Variants in FIGN observed in about 807,000 individuals in gnomAD.
The protein encoded by FIGN is fidgetin, microtubule severing factor.
FIGN carries 11 observed loss-of-function variants against 51.3 expected under a neutral mutation model. The ratio of observed to expected loss-of-function variants is 0.21; its 90% CI spans 0.13 to 0.35. The LOEUF (loss-of-function observed/expected upper bound fraction) is 0.35, where lower values mean the gene tolerates loss of function less well. Among genes scored for constraint, FIGN ranks in the 10% least tolerant of loss-of-function variants. FIGN has a pLI of 1.00. For synonymous variants in FIGN, 407 were observed against 363.2 expected (o/e 1.12, Z -1.37); for missense variants, 857 against 943.6 (o/e 0.91, Z 1.20).
rs143754554 is a variant in FIGN, at chr2:163,709,018, G to A, written c.25+25885C>T. On this transcript the variant is annotated intron_variant, in intron 2 of 2. Coordinates refer to ENST00000333129, the MANE Select transcript of FIGN (RefSeq NM_018086.4). ...TTCTTCCTGAAGAGTCTAAGGTACC[G>A]TAAATACGGCAATGGGTGTCCTTAT... is the stretch of plus-strand genomic sequence containing the variant. 3.1e-3 allele frequency among the ~76,000 whole-genome samples: 478 copies of A among 152,218 alleles called. 2 individuals carry two copies. The highest frequency in any genetic ancestry group is 0.011 in the African/African-American group (460 of 41,544).
At chr2:163,663,615 G>A (rs1377598511) in intron 2 of FIGN, among the ~76,000 whole-genome samples, 2 of 151,742 alleles carry the variant, frequency 1.3e-5, no homozygotes, top group African/African-American at 4.8e-5. Flanking sequence ...GGGCACGGTG[G>A]CTCACACCTG....
Position 163,668,229 on chromosome 2 carries a change from G to A in FIGN, c.26-56423C>T, listed in dbSNP as rs114360209. Among the ~76,000 whole-genome samples the A allele has an allele frequency of 9.0e-3, 1,365 of 152,148 alleles. 24 individuals carry two copies. Among genetic ancestry groups the A allele is most frequent in the African/African-American group, 0.031 (1,305 of 41,508 alleles). The stretch of plus-strand genomic sequence containing the variant: ...CAAATAGTATTTAAAGACACCATGG[G>A]GCTAAAGGAAAGCACCTAGGGAGAG... On this transcript the variant is annotated intron_variant, in intron 2 of 2. Transcript: ENST00000333129.
intron 2 of FIGN, among the ~76,000 whole-genome samples, chr2:163,667,215 C>T (rs748582770): frequency 1.2e-4 from 18 of 151,812 alleles, no homozygotes; most frequent in Non-Finnish European, 2.4e-4. Context: ...CGCCATTCTA[C>T]ATTCTTTCTT....
intron 2 of FIGN, among the ~76,000 whole-genome samples, chr2:163,731,534 C>T (rs751337826): frequency 6.6e-6 from 1 of 151,546 alleles, no homozygotes; most frequent in African/African-American, 2.4e-5. Context: ...AAAACAAAAA[C>T]AAAAAATATT....
intron 2 of FIGN, among the ~76,000 whole-genome samples, chr2:163,615,871 T>A (rs1682867325): frequency 6.6e-6 from 1 of 152,208 alleles, no homozygotes; most frequent in South Asian, 2.1e-4. Context: ...CATCAATTTT[T>A]ACTTTTGAAA....
intron 2 of FIGN, among the ~76,000 whole-genome samples, chr2:163,675,185 T>A (rs917534616): frequency 1.3e-5 from 2 of 152,228 alleles, no homozygotes; most frequent in African/African-American, 4.8e-5. Context: ...AGGGCCTGGA[T>A]AAACTCTAAT....
chr2:163,611,819 G>C lies in FIGN; in HGVS notation c.26-13C>G. 6.3e-7 allele frequency: 1 copy of C among 1,583,570 alleles called. No homozygotes were observed. The highest frequency in any genetic ancestry group is 8.6e-7 in the Non-Finnish European group (1 of 1,159,002). ...TGCATCTTCAAGCCTAAGAATTTTG[G>C]GGGGAAAAGAGTTAATTTACTTAAA... On this transcript the variant is annotated splice_polypyrimidine_tract_variant and intron_variant, in intron 2 of 2. Coordinates refer to ENST00000333129, the MANE Select transcript of FIGN (RefSeq NM_018086.4).
chr2:163,611,111 T>C lies in FIGN; in HGVS notation c.721A>G (p.Asn241Asp), dbSNP rs1203598241. Residue 241 changes from asparagine to aspartate, a missense_variant, in exon 3 of 3, where the codon AAC becomes GAC. By Grantham distance (23) the Asn-to-Asp change is conservative. Around this residue, in one of 3 missense-constraint regions of FIGN, gnomAD observed 799 missense variants for 849.5 expected, o/e 0.94. Coordinates refer to ENST00000333129, the MANE Select transcript of FIGN (RefSeq NM_018086.4). ...ALVPGYNGTS[N>D]LSSYSYPSAS... Reference sequence around the variant, plus strand: ...GACGGATAGCTGTAACTGGAGAGGTTAGAAGTCCCATTGTAGCCTGGGACC... The same window carrying C: ...GACGGATAGCTGTAACTGGAGAGGTCAGAAGTCCCATTGTAGCCTGGGACC... The C allele has an allele frequency of 1.2e-6, 2 of 1,614,020 alleles. No homozygotes were observed. Among genetic ancestry groups the C allele is most frequent in the Non-Finnish European group, 8.5e-7 (1 of 1,179,986 alleles).
At chr2:163,729,292 G>A (rs1316012255) in intron 2 of FIGN, among the ~76,000 whole-genome samples, 2 of 152,102 alleles carry the variant, frequency 1.3e-5, no homozygotes, top group South Asian at 2.1e-4. Context: ...TGCAGTTTCT[G>A]TTCTCATGCC....
At chr2:163,704,833 T>C (rs1435551179) in intron 2 of FIGN, among the ~76,000 whole-genome samples, 1 of 151,934 alleles carries the variant, frequency 6.6e-6, no homozygotes, top group East Asian at 1.9e-4. Context: ...AGTGTTCAAA[T>C]GGAATAAAAT....
chr2:163,647,714 T>C lies in FIGN; in HGVS notation c.26-35908A>G, dbSNP rs75383440. On this transcript the variant is annotated intron_variant, in intron 2 of 2. Transcript: ENST00000333129. ...GAAAACTATTCATACAAATGTACAA[T>C]GTGAAAGTTATAAAATACATCAAAA... 2.6e-5 allele frequency among the ~76,000 whole-genome samples: 4 copies of C among 152,198 alleles called. No individual in the cohort carries two copies. The East Asian group carries it at 5.8e-4, about 22-fold the overall frequency.
At chr2:163,689,887 G>A (rs933350297) in intron 2 of FIGN, among the ~76,000 whole-genome samples, 6 of 152,098 alleles carry the variant, frequency 3.9e-5, no homozygotes, top group Non-Finnish European at 1.5e-5. Context: ...CTCCAAATGA[G>A]CAGCAAATAC....
chr2:163,705,351 A>G (rs1684482374), intron 2 of FIGN, among the ~76,000 whole-genome samples: 1 of 152,150 alleles, frequency 6.6e-6, no homozygotes, highest in Non-Finnish European at 1.5e-5. Flanking sequence ...AAAAATTTTC[A>G]GATGGAACTT....
intron 2 of FIGN, among the ~76,000 whole-genome samples, chr2:163,701,065 G>A (rs1684401007): frequency 1.3e-5 from 2 of 152,018 alleles, no homozygotes; most frequent in South Asian, 2.1e-4. Flanking sequence ...ATGCATTTAA[G>A]GGAAAAAAAT....
At chr2:163,679,475 G>A (rs1018151942) in intron 2 of FIGN, among the ~76,000 whole-genome samples, 5 of 147,990 alleles carry the variant, frequency 3.4e-5, no homozygotes, top group South Asian at 2.1e-4. Context: ...CAGCCTGGGC[G>A]ACACTGCGAG....
intron 2 of FIGN, among the ~76,000 whole-genome samples, chr2:163,638,634 T>G (rs1478690449): frequency 6.6e-6 from 1 of 152,198 alleles, no homozygotes; most frequent in Non-Finnish European, 1.5e-5. Context: ...ACATTTCAGT[T>G]ACTAATCTTG....
intron 2 of FIGN, among the ~76,000 whole-genome samples, chr2:163,690,594 A>G (rs1684225363): frequency 6.6e-6 from 1 of 152,180 alleles, no homozygotes; most frequent in Non-Finnish European, 1.5e-5. Flanking sequence ...AGTCTAGTCT[A>G]GGCAACAGTA....
intron 2 of FIGN, among the ~76,000 whole-genome samples, chr2:163,700,195 C>T (rs145951026): frequency 3.2e-4 from 48 of 152,232 alleles, no homozygotes; most frequent in Non-Finnish European, 6.0e-4. Flanking sequence ...GCTGGAGGAA[C>T]ATTTTTTGTT....
At chr2:163,694,505 C>T (rs1049696189) in intron 2 of FIGN, among the ~76,000 whole-genome samples, 2 of 152,142 alleles carry the variant, frequency 1.3e-5, no homozygotes, top group African/African-American at 4.8e-5. Context: ...GTGAGGGATG[C>T]AGGGAACTGC....
Sources: gnomAD v4.1 joint callset for allele counts (sites outside exome capture counted in the v4.1 genomes callset) on GRCh38, gnomAD v4.1.1 for gene constraint, gnomAD v4.1.1 regional missense constraint, MANE v1.5 for transcripts, NCBI Gene and HGNC (gene_info 2026-07-23, HGNC 2026-07-21) for gene names.